The following ITFG1 variants were observed in gnomAD, a reference collection of about 807,000 sequenced individuals.
The protein encoded by ITFG1 is integrin alpha FG-GAP repeat containing 1.
A neutral mutation model predicts 81.8 loss-of-function variants in ITFG1; 34 were observed. That is an observed-to-expected ratio of 0.42 (90% CI 0.32 to 0.55). ITFG1 has a LOEUF of 0.55. Ranked by LOEUF, ITFG1 falls within the 20% of genes least tolerant of loss-of-function variation. The probability of loss-of-function intolerance (pLI) is 0.17; values close to 1 mark genes in which losing one functional copy is unlikely to be tolerated. For synonymous variants in ITFG1, 285 were observed against 270.6 expected (o/e 1.05, Z -0.52); for missense variants, 672 against 755.4 (o/e 0.89, Z 1.29).
At chr16:47,376,401 T>A (rs1968325287) in intron 6 of ITFG1, among the ~76,000 whole-genome samples, 1 of 152,216 alleles carries the variant, frequency 6.6e-6, no homozygotes, top group Non-Finnish European at 1.5e-5. Flanking sequence ...AATGAATAAA[T>A]TATGTTTCAA....
Position 47,241,667 on chromosome 16 carries a change from C to T in ITFG1, c.1331-3659G>A, listed in dbSNP as rs531449696. ...GGGGATGATGGGGGACTAAGAGTGA[C>T]AGACAAGGCCGGGCGCGGTGGCTCA... On this transcript the variant is annotated intron_variant, in intron 12 of 17. Transcript: ENST00000320640. Among the ~76,000 whole-genome samples the T allele has an allele frequency of 1.8e-4, 27 of 152,166 alleles. No individual in the cohort carries two copies. The East Asian group carries it at 4.6e-3, about 26-fold the overall frequency.
intron 5 of ITFG1, among the ~76,000 whole-genome samples, chr16:47,431,215 C>T (rs1295373893): frequency 6.6e-6 from 1 of 152,158 alleles, no homozygotes; most frequent in Non-Finnish European, 1.5e-5. Context: ...GTTCCCTAAC[C>T]CTTGGGCTGT....
chr16:47,447,359 A>G (rs773204803), intron 5 of ITFG1, among the ~76,000 whole-genome samples: 1 of 152,216 alleles, frequency 6.6e-6, no homozygotes, highest in African/African-American at 2.4e-5. Context: ...ACAAATATAC[A>G]TCTAAAAATT....
chr16:47,242,232 T>C (rs1207207494), intron 12 of ITFG1, among the ~76,000 whole-genome samples: 1 of 151,838 alleles, frequency 6.6e-6, no homozygotes, highest in Admixed American at 6.6e-5. Flanking sequence ...AGAGATACTA[T>C]TGCTAATATA....
intron 10 of ITFG1, among the ~76,000 whole-genome samples, chr16:47,282,965 T>C (rs1966466300): frequency 6.6e-6 from 1 of 152,204 alleles, no homozygotes; most frequent in Non-Finnish European, 1.5e-5. Flanking sequence ...GAATTCCTTG[T>C]AGATTCTGGA....
intron 6 of ITFG1, among the ~76,000 whole-genome samples, chr16:47,417,548 C>T (rs1483039577): frequency 3.9e-5 from 6 of 152,190 alleles, no homozygotes; most frequent in East Asian, 1.9e-4. Context: ...TCATCTCCCA[C>T]TCTACACTTT....
intron 5 of ITFG1, among the ~76,000 whole-genome samples, chr16:47,430,834 T>C (rs1256404757): frequency 6.6e-6 from 1 of 152,162 alleles, no homozygotes; most frequent in Non-Finnish European, 1.5e-5. Context: ...ATATCCAAGA[T>C]AATTAAAAAT....
chr16:47,452,697 T>C (rs752684667), intron 4 of ITFG1, 36 bp downstream of exon 4: 1 of 1,415,162 alleles, frequency 7.1e-7, no homozygotes, highest in Non-Finnish European at 9.8e-7. Flanking sequence ...ATGTTTAAGT[T>C]TAAAATCGTT....
At chr16:47,229,766 T>C in intron 13 of ITFG1, among the ~76,000 whole-genome samples, 1 of 152,084 alleles carries the variant, frequency 6.6e-6, no homozygotes, top group East Asian at 1.9e-4. Flanking sequence ...ACATTACATT[T>C]CAGGGTCCTT....
chr16:47,287,822 A>G (rs1221626589), intron 10 of ITFG1, among the ~76,000 whole-genome samples: 1 of 152,188 alleles, frequency 6.6e-6, no homozygotes, highest in East Asian at 1.9e-4. Context: ...TTTTTATCCT[A>G]TGCATATCTT....
intron 10 of ITFG1, among the ~76,000 whole-genome samples, chr16:47,301,249 T>G (rs1036336355): frequency 5.3e-5 from 8 of 151,974 alleles, no homozygotes; most frequent in African/African-American, 1.7e-4. Context: ...TGAGAGACAA[T>G]GGACTAAAAA....
chr16:47,218,507 TATTA>T (rs1965652627), intron 14 of ITFG1: 1 of 153,972 alleles, frequency 6.5e-6, no homozygotes, highest in African/African-American at 2.4e-5. Flanking sequence ...TATATTATAC[TATTA>T]ATTGGATTCT....
chr16:47,161,611 A>G, intron 16 of ITFG1, 139 bp downstream of exon 16: 1 of 532,866 alleles, frequency 1.9e-6, no homozygotes, highest in Non-Finnish European at 3.5e-6. Context: ...TTAGTCATTT[A>G]AAGTTTGCCG....
chr16:47,220,819 C>A (rs962074433), intron 13 of ITFG1, among the ~76,000 whole-genome samples: 1 of 151,866 alleles, frequency 6.6e-6, no homozygotes, highest in Non-Finnish European at 1.5e-5. Context: ...TGGTAAGGAC[C>A]TCAAAAAAAT....
intron 12 of ITFG1, among the ~76,000 whole-genome samples, chr16:47,256,180 G>A (rs1966137699): frequency 6.6e-6 from 1 of 152,096 alleles, no homozygotes; most frequent in South Asian, 2.1e-4. Flanking sequence ...GGCTGGTCTG[G>A]TCTTCAACTC....
At chr16:47,182,795 T>A (rs1415692886) in intron 14 of ITFG1, among the ~76,000 whole-genome samples, 1 of 152,200 alleles carries the variant, frequency 6.6e-6, no homozygotes, top group Non-Finnish European at 1.5e-5. Flanking sequence ...AAAGCTCCGG[T>A]CTACAGCTCC....
chr16:47,407,154 A>G lies in ITFG1; in HGVS notation c.655+21650T>C, dbSNP rs145406563. 7.5e-3 allele frequency among the ~76,000 whole-genome samples: 1,140 copies of G among 152,338 alleles called. 19 individuals carry two copies. Among genetic ancestry groups the G allele is most frequent in the African/African-American group, 0.026 (1,080 of 41,574 alleles). ...GAGTCATTTACATTTATAACGGATAATGGGAGACAAGGGTGGAAGCAAGGA... is the reference window on the plus strand; with the variant it reads ...GAGTCATTTACATTTATAACGGATAGTGGGAGACAAGGGTGGAAGCAAGGA... On this transcript the variant is annotated intron_variant, in intron 6 of 17. Coordinates refer to ENST00000320640, the MANE Select transcript of ITFG1 (RefSeq NM_030790.5).
intron 6 of ITFG1, among the ~76,000 whole-genome samples, chr16:47,384,604 G>T (rs1223329771): frequency 1.3e-5 from 2 of 152,174 alleles, no homozygotes; most frequent in African/African-American, 2.4e-5. Flanking sequence ...AAGTAATACA[G>T]TCTGATAACT....
intron 10 of ITFG1, among the ~76,000 whole-genome samples, chr16:47,281,562 T>C (rs1037578421): frequency 6.6e-6 from 1 of 152,194 alleles, no homozygotes; most frequent in Non-Finnish European, 1.5e-5. Context: ...TTAATAGTTA[T>C]ACAATGGTTC....
Sources: gnomAD v4.1 joint callset for allele counts (sites outside exome capture counted in the v4.1 genomes callset) on GRCh38, gnomAD v4.1.1 for gene constraint, MANE v1.5 for transcripts, NCBI Gene and HGNC (gene_info 2026-07-23, HGNC 2026-07-21) for gene names.